Variants in LUZP2 observed in about 807,000 individuals in gnomAD.
LUZP2 encodes leucine zipper protein 2.
LUZP2 carries 52 observed loss-of-function variants against 51.6 expected under a neutral mutation model. That is an observed-to-expected ratio of 1.01 (90% CI 0.81 to 1.27). The LOEUF (loss-of-function observed/expected upper bound fraction) is 1.27, where lower values mean the gene tolerates loss of function less well. Ranked by LOEUF, LUZP2 falls within the 50% of genes most tolerant of loss-of-function variation. The probability of loss-of-function intolerance (pLI) is 0.00; values close to 1 mark genes in which losing one functional copy is unlikely to be tolerated. For missense variants in LUZP2, 436 were observed against 395.4 expected, an observed-to-expected ratio of 1.10 and a Z score of -0.87; for synonymous variants, 154 against 137.3, an observed-to-expected ratio of 1.12 and a Z score of -0.85.
At chr11:25,040,926 G>A (rs940230989) in intron 9 of LUZP2, among the ~76,000 whole-genome samples, 1 of 151,924 alleles carries the variant, frequency 6.6e-6, no homozygotes, top group Non-Finnish European at 1.5e-5. Flanking sequence ...GAATTGTATC[G>A]CTACCAAAAT....
chr11:24,921,038 T>C (rs1240252149), intron 7 of LUZP2, among the ~76,000 whole-genome samples: 1 of 152,056 alleles, frequency 6.6e-6, no homozygotes. Flanking sequence ...AGCACTTACA[T>C]TGTATTAGGT....
intron 9 of LUZP2, among the ~76,000 whole-genome samples, chr11:25,045,226 AT>A (rs1449228044): frequency 4.6e-5 from 7 of 152,120 alleles, no homozygotes; most frequent in East Asian, 1.9e-4. Context: ...AAGAAAAAAA[AT>A]GAAAGTAATT....
intron 7 of LUZP2, among the ~76,000 whole-genome samples, chr11:24,941,162 A>G (rs1256288092): frequency 6.6e-6 from 1 of 152,084 alleles, no homozygotes; most frequent in Non-Finnish European, 1.5e-5. Context: ...TGAAGGTGCT[A>G]TGGCATCTAA....
intron 7 of LUZP2, among the ~76,000 whole-genome samples, chr11:24,959,751 C>T (rs562510818): frequency 2.6e-5 from 4 of 152,268 alleles, no homozygotes; most frequent in South Asian, 4.1e-4. Flanking sequence ...ATTTCCTTCA[C>T]CTGCCTAATT....
At chr11:24,751,515 AG>A in intron 4 of LUZP2, 1 of 876,424 alleles carries the variant, frequency 1.1e-6, no homozygotes, top group South Asian at 5.2e-5. Context: ...GCAGTACAAA[AG>A]CCCTGCTAGA....
chr11:24,556,140 T>A (rs932296106), intron 1 of LUZP2, among the ~76,000 whole-genome samples: 2 of 152,198 alleles, frequency 1.3e-5, no homozygotes, highest in Admixed American at 6.5e-5. Flanking sequence ...TTCAGTGGCA[T>A]CACCTAAATA....
At chr11:24,795,289 T>C (rs1442926841) in intron 5 of LUZP2, among the ~76,000 whole-genome samples, 1 of 152,148 alleles carries the variant, frequency 6.6e-6, no homozygotes, top group African/African-American at 2.4e-5. Context: ...TGTTTACTTT[T>C]TACTCCACCT....
intron 1 of LUZP2, among the ~76,000 whole-genome samples, chr11:24,559,326 A>T (rs1261224763): frequency 6.6e-6 from 1 of 152,218 alleles, no homozygotes; most frequent in African/African-American, 2.4e-5. Context: ...GGTAAAAATA[A>T]TGTTCATTCA....
intron 1 of LUZP2, among the ~76,000 whole-genome samples, chr11:24,619,153 T>G (rs1288054121): frequency 6.6e-6 from 1 of 152,036 alleles, no homozygotes; most frequent in Non-Finnish European, 1.5e-5. Context: ...TTCAGCTTCC[T>G]GAGTAGCTGA....
At position 24,644,972 on chromosome 11, in the gene LUZP2, T is replaced by C. The variant is rs555528102; in HGVS notation, c.63-84197T>C. 5.3e-5 allele frequency among the ~76,000 whole-genome samples: 8 copies of C among 152,304 alleles called. No homozygotes were observed. In the East Asian group the frequency reaches 1.2e-3, roughly 22 times the overall value. Reference sequence around the variant, plus strand: ...ACTAGGCTGAAGTTTCAGCAGTGACTAATGTAAATCACTTTATAGATCCTG... The same window carrying C: ...ACTAGGCTGAAGTTTCAGCAGTGACCAATGTAAATCACTTTATAGATCCTG... On this transcript the variant is annotated intron_variant, in intron 1 of 11. Transcript: ENST00000336930.
chr11:24,852,611 T>C (rs559962119), intron 5 of LUZP2, among the ~76,000 whole-genome samples: 2 of 152,232 alleles, frequency 1.3e-5, no homozygotes, highest in African/African-American at 4.8e-5. Context: ...TTGTAGATTA[T>C]CTATTAGGTC....
At chr11:24,658,301 T>C (rs189360012) in intron 1 of LUZP2, among the ~76,000 whole-genome samples, 22 of 152,122 alleles carry the variant, frequency 1.4e-4, no homozygotes, top group African/African-American at 4.6e-4. Flanking sequence ...CTTTGACAAA[T>C]CTGACAAAAA....
At chr11:25,008,435 CCAGCTTGTTTGTGTTA>C (rs1453883203) in intron 9 of LUZP2, among the ~76,000 whole-genome samples, 1 of 152,148 alleles carries the variant, frequency 6.6e-6, no homozygotes, top group Non-Finnish European at 1.5e-5. Flanking sequence ...GGGGCGTGTT[CCAGCTTGTTTGTGTTA>C]CAGCTTGTTT....
chr11:24,680,961 A>C (rs945466285), intron 1 of LUZP2, among the ~76,000 whole-genome samples: 17 of 127,810 alleles, frequency 1.3e-4, no homozygotes, highest in Admixed American at 9.4e-4. Flanking sequence ...TGAGTCTTTA[A>C]TTTCTTTCTT....
chr11:24,670,915 C>T (rs974909497), intron 1 of LUZP2, among the ~76,000 whole-genome samples: 21 of 151,686 alleles, frequency 1.4e-4, no homozygotes, highest in South Asian at 4.2e-4. Context: ...GTAATTAATC[C>T]GATAATAATG....
At chr11:24,949,804 A>T (rs1855022936) in intron 7 of LUZP2, among the ~76,000 whole-genome samples, 1 of 151,692 alleles carries the variant, frequency 6.6e-6, no homozygotes, top group Non-Finnish European at 1.5e-5. Flanking sequence ...TTAAATGTGT[A>T]GAACACGCAG....
chr11:25,018,049 T>TTGTTTTG (rs1554955737), intron 9 of LUZP2, among the ~76,000 whole-genome samples: 14 of 100,966 alleles, frequency 1.4e-4, no homozygotes, highest in Admixed American at 1.0e-4. Flanking sequence ...TTTTTTTTTG[T>TTGTTTTG]TTTTTTTTTT....
intron 1 of LUZP2, among the ~76,000 whole-genome samples, chr11:24,601,951 A>AT (rs1565019800): frequency 1.5e-4 from 14 of 93,158 alleles, no homozygotes; most frequent in African/African-American, 6.0e-4. Flanking sequence ...TATATGTATA[A>AT]ATGTATATAT....
intron 5 of LUZP2, among the ~76,000 whole-genome samples, chr11:24,809,020 AAC>A (rs1452720767): frequency 6.6e-6 from 1 of 152,122 alleles, no homozygotes; most frequent in Non-Finnish European, 1.5e-5. Flanking sequence ...TCATTTGGAA[AAC>A]ACAGATTGTT....
Sources: allele counts gnomAD v4.1 joint callset (sites outside exome capture counted in the v4.1 genomes callset), GRCh38; gene constraint gnomAD v4.1.1; transcripts MANE v1.5; gene names NCBI Gene and HGNC (gene_info 2026-07-23, HGNC 2026-07-21).